The following BARX2 variants were observed in gnomAD, a reference collection of about 807,000 sequenced individuals.
BARX2 encodes BARX homeobox 2.
BARX2 carries 11 observed loss-of-function variants against 25.5 expected under a neutral mutation model. That is an observed-to-expected ratio of 0.43 (90% CI 0.27 to 0.71). BARX2 has a LOEUF of 0.71. BARX2 is among the 30% of genes least tolerant of loss of function. The probability of loss-of-function intolerance (pLI) is 0.19; values close to 1 mark genes in which losing one functional copy is unlikely to be tolerated. For missense variants in BARX2, 360 were observed against 359.9 expected, an observed-to-expected ratio of 1.00 and a Z score of 0.00; for synonymous variants, 137 against 149.5, an observed-to-expected ratio of 0.92 and a Z score of 0.61.
At chr11:129,398,469 A>G (rs758771541) in intron 1 of BARX2, among the ~76,000 whole-genome samples, 19 of 152,238 alleles carry the variant, frequency 1.2e-4, no homozygotes, top group Non-Finnish European at 2.4e-4. Flanking sequence ...ATTCTTAAAT[A>G]TCAAATAAGA....
At chr11:129,387,841 G>T (rs1861630332) in intron 1 of BARX2, among the ~76,000 whole-genome samples, 1 of 152,164 alleles carries the variant, frequency 6.6e-6, no homozygotes, top group Non-Finnish European at 1.5e-5. Context: ...GCAACCACGT[G>T]CCCGGCACTG....
rs1009294254 is a variant in BARX2 at position 129,411,973 on chromosome 11, G to C, written c.188-24778G>C. Among the ~76,000 whole-genome samples, 5 of 152,130 alleles carry C rather than the reference G, an allele frequency of 3.3e-5. No individual in the cohort carries two copies. In the South Asian group the frequency reaches 6.2e-4, roughly 19 times the overall value. On this transcript the variant is annotated intron_variant, in intron 1 of 3. Coordinates refer to ENST00000281437, the MANE Select transcript of BARX2 (RefSeq NM_003658.5). ...AGCAACATATAAAGTGTTTATAAGT[G>C]CCAAAGAAGTAGTTTATGGCCGGGC...
At chr11:129,425,629 G>C (rs1862054640) in intron 1 of BARX2, among the ~76,000 whole-genome samples, 1 of 152,206 alleles carries the variant, frequency 6.6e-6, no homozygotes, top group Non-Finnish European at 1.5e-5. Context: ...ATCTCACTTA[G>C]CTCCAGCATT....
Position 129,451,321 on chromosome 11 carries a change from T to C in BARX2, c.759T>C (p.Asp253=). ...LCEAQEPKAR[D]VPLEMAEPPD... ...AAGCACAGGAACCGAAAGCACGTGA[T>C]GTCCCCTTAGAGATGGCAGAGCCAC... is the stretch of plus-strand genomic sequence containing the variant. The change falls in exon 4 of 4, where the codon GAT becomes GAC. Residue 253 remains aspartate (D), a synonymous_variant. Coordinates refer to ENST00000281437, the MANE Select transcript of BARX2 (RefSeq NM_003658.5). 3.1e-6 allele frequency: 5 copies of C among 1,614,108 alleles called. No homozygotes were observed. The highest frequency in any genetic ancestry group is 4.2e-6 in the Non-Finnish European group (5 of 1,180,010).
intron 1 of BARX2, among the ~76,000 whole-genome samples, chr11:129,388,425 G>A (rs1861636153): frequency 6.6e-6 from 1 of 152,070 alleles, no homozygotes. Flanking sequence ...CCAATCTCTG[G>A]GTCACGGTGC....
chr11:129,376,059 G>T lies in BARX2; in HGVS notation c.24G>T (p.Arg8Ser), dbSNP rs1165342439. Reference protein sequence around the residue: MHCHAELRLSSPGQLKAA... With the variant: MHCHAELSLSSPGQLKAA... ...CCATGCACTGCCACGCCGAGCTGAG[G>T]CTGAGCTCGCCCGGCCAGCTCAAAG... The change falls in exon 1 of 4, where the codon AGG becomes AGT. Residue 8 changes from arginine (R) to serine (S), a missense_variant. Around this residue, in one of 3 missense-constraint regions of BARX2, gnomAD observed 240 missense variants for 228.7 expected, o/e 1.05. Transcript: ENST00000281437. This position sits in a 1 kb window ranked among gnomAD's most constrained non-coding sequence, Gnocchi z 4.2. The T allele has an allele frequency of 6.2e-7, 1 of 1,600,286 alleles. No individual in the cohort carries two copies. The highest frequency in any genetic ancestry group is 8.5e-7 in the Non-Finnish European group (1 of 1,174,664).
chr11:129,442,633 ATC>A (rs1862275788), intron 2 of BARX2, 200 bp from the exon 3 acceptor site: 1 of 513,726 alleles, frequency 1.9e-6, no homozygotes, highest in Non-Finnish European at 3.4e-6. Flanking sequence ...AGGCATGGGC[ATC>A]TGTTTCTCAG....
At chr11:129,421,702 C>T (rs192229816) in intron 1 of BARX2, among the ~76,000 whole-genome samples, 36 of 152,286 alleles carry the variant, frequency 2.4e-4, no homozygotes, top group African/African-American at 7.2e-4. Flanking sequence ...GCAGGTGCTC[C>T]GGTTTAATGA....
intron 1 of BARX2, among the ~76,000 whole-genome samples, chr11:129,386,021 T>A (rs1382830021): frequency 6.6e-6 from 1 of 152,230 alleles, no homozygotes; most frequent in African/African-American, 2.4e-5. Context: ...CCACTGTGGC[T>A]TCTGAAAGTG....
chr11:129,448,731 A>T (rs754243385), intron 3 of BARX2, among the ~76,000 whole-genome samples: 24 of 152,216 alleles, frequency 1.6e-4, no homozygotes, highest in Non-Finnish European at 3.1e-4. Context: ...AGAGTTGCCA[A>T]ATGATCCAGC....
rs775637201 is a variant in BARX2, at chr11:129,412,701, A to G, written c.188-24050A>G. ...GTAACGTCTAGCTGTTGCCATGGCAATGGAAAACACGTGGCACACACTGGT... is the reference window on the plus strand; with the variant it reads ...GTAACGTCTAGCTGTTGCCATGGCAGTGGAAAACACGTGGCACACACTGGT... On this transcript the variant is annotated intron_variant, in intron 1 of 3. Transcript: ENST00000281437. Among the ~76,000 whole-genome samples, 11 of 152,338 alleles carry G rather than the reference A, an allele frequency of 7.2e-5. No individual in the cohort carries two copies. The South Asian group carries it at 1.0e-3, about 14-fold the overall frequency.
intron 3 of BARX2, among the ~76,000 whole-genome samples, chr11:129,444,226 GA>G (rs1164667307): frequency 0.069 from 9,959 of 143,488 alleles, 1,077 homozygotes; most frequent in African/African-American, 0.23. Context: ...ACAATGAGGA[GA>G]AAAAAAAAAA....
intron 2 of BARX2, among the ~76,000 whole-genome samples, chr11:129,439,257 G>A (rs932416409): frequency 6.6e-6 from 1 of 152,168 alleles, no homozygotes; most frequent in Non-Finnish European, 1.5e-5. Context: ...GAACAGAGAG[G>A]CAGGAATAGA....
At chr11:129,394,935 A>ATTTTTTT (rs33959182) in intron 1 of BARX2, among the ~76,000 whole-genome samples, 1 of 144,818 alleles carries the variant, frequency 6.9e-6, no homozygotes, top group Non-Finnish European at 1.5e-5. Context: ...TCCACTCAGC[A>ATTTTTTT]TTTTTTTTTT....
At chr11:129,420,921 C>T (rs1307667778) in intron 1 of BARX2, among the ~76,000 whole-genome samples, 1 of 152,106 alleles carries the variant, frequency 6.6e-6, no homozygotes, top group Non-Finnish European at 1.5e-5. Flanking sequence ...TACCTTGGTA[C>T]CAAAAAGGGA....
At chr11:129,380,010 C>T (rs1316011729) in intron 1 of BARX2, among the ~76,000 whole-genome samples, 1 of 151,818 alleles carries the variant, frequency 6.6e-6, no homozygotes, top group African/African-American at 2.4e-5. Flanking sequence ...ACCTACAGAG[C>T]TGGAGAGGCT....
At chr11:129,422,049 T>C (rs1200900003) in intron 1 of BARX2, among the ~76,000 whole-genome samples, 1 of 152,174 alleles carries the variant, frequency 6.6e-6, no homozygotes, top group Non-Finnish European at 1.5e-5. Flanking sequence ...CTGAATACTC[T>C]TTTTCCTCCC....
intron 1 of BARX2, among the ~76,000 whole-genome samples, chr11:129,406,145 A>T (rs1324899625): frequency 1.3e-5 from 2 of 152,262 alleles, no homozygotes; most frequent in Non-Finnish European, 2.9e-5. Flanking sequence ...GATGGTACTA[A>T]ATCATGATAA....
At chr11:129,448,324 ACAT>A (rs1411989975) in intron 3 of BARX2, among the ~76,000 whole-genome samples, 2 of 152,228 alleles carry the variant, frequency 1.3e-5, no homozygotes, top group African/African-American at 4.8e-5. Context: ...GCTGTGAAGG[ACAT>A]CATTAGAAAA....
Sources: allele counts gnomAD v4.1 joint callset (sites outside exome capture counted in the v4.1 genomes callset), GRCh38; gene constraint gnomAD v4.1.1; regional missense constraint gnomAD v4.1.1; non-coding constraint Gnocchi (gnomAD v3.1); transcripts MANE v1.5; gene names NCBI Gene and HGNC (gene_info 2026-07-23, HGNC 2026-07-21).